The following DLG1 variants were observed in gnomAD, a reference collection of about 807,000 sequenced individuals.
The protein encoded by DLG1 is discs large MAGUK scaffold protein 1.
Under a neutral mutation model 123.4 loss-of-function variants are expected in DLG1, and 42 were observed. The observed-to-expected ratio is 0.34, with a 90% confidence interval of 0.27 to 0.44. The LOEUF is 0.44. Among genes scored for constraint, DLG1 ranks in the 20% least tolerant of loss-of-function variants. The pLI is 1.00. For synonymous variants in DLG1, 317 were observed against 356.2 expected (o/e 0.89, Z 1.24); for missense variants, 942 against 1,082.6 (o/e 0.87, Z 1.82).
upstream of DLG1, chr3:197,298,629 A>G: frequency 2.5e-6 from 1 of 398,300 alleles, no homozygotes. Context: ...CCACCGGGGA[A>G]AAGCCGCCTT....
At chr3:197,081,204 T>G in intron 16 of DLG1, 87 bp from the exon 17 acceptor site, 6 of 1,271,280 alleles carry the variant, frequency 4.7e-6, no homozygotes, top group Non-Finnish European at 6.6e-6. Flanking sequence ...ATCTTTATAA[T>G]GGGCATTTTT....
At chr3:197,171,004 C>T (rs945616961) in intron 5 of DLG1, among the ~76,000 whole-genome samples, 1 of 152,094 alleles carries the variant, frequency 6.6e-6, no homozygotes, top group Non-Finnish European at 1.5e-5. Context: ...TATCAACTGT[C>T]GTGTCACTGT....
intron 4 of DLG1, among the ~76,000 whole-genome samples, chr3:197,207,584 A>G (rs1729231746): frequency 6.6e-6 from 1 of 152,216 alleles, no homozygotes; most frequent in Non-Finnish European, 1.5e-5. Context: ...GTCTATAGAT[A>G]AGGAGTAAGT....
chr3:197,083,786 C>A (rs1454195094), intron 16 of DLG1, among the ~76,000 whole-genome samples: 1 of 150,750 alleles, frequency 6.6e-6, no homozygotes, highest in Non-Finnish European at 1.5e-5. Flanking sequence ...AGCTAGAACC[C>A]ATCTCCACAA....
At chr3:197,237,729 G>C (rs933640676) in intron 4 of DLG1, among the ~76,000 whole-genome samples, 7 of 152,142 alleles carry the variant, frequency 4.6e-5, no homozygotes, top group African/African-American at 1.7e-4. Flanking sequence ...TGTTAGAAGA[G>C]GTATAGTCAG....
intron 6 of DLG1, among the ~76,000 whole-genome samples, chr3:197,146,868 T>C (rs374931591): frequency 6.6e-6 from 1 of 151,716 alleles, no homozygotes; most frequent in South Asian, 2.1e-4. Flanking sequence ...ACCTACAGAG[T>C]GGGAGAAAAT....
At chr3:197,077,693 C>T (rs1345137144) in intron 17 of DLG1, among the ~76,000 whole-genome samples, 1 of 152,098 alleles carries the variant, frequency 6.6e-6, no homozygotes, top group African/African-American at 2.4e-5. Context: ...ACAAGTTTTT[C>T]CTTGAATGTC....
In DLG1 at chr3:197,194,697, ATATT is replaced by A. The variant is rs1721474061; in HGVS notation, c.319-112_319-109del. ...CTCAATATTTAGCAATATAAAAAGT[ATATT>A]TATGGTTTAATACATCAGATCTCAG... On this transcript the variant is annotated intron_variant, in intron 4 of 24. Coordinates refer to ENST00000667157, the MANE Select transcript of DLG1 (RefSeq NM_001366207.1). The A allele has an allele frequency of 5.9e-6, 4 of 679,106 alleles. 1 individual carries two copies. The highest frequency in any genetic ancestry group is 2.4e-5 in the South Asian group (1 of 42,540). The allele number at this position is 679,106 out of a possible 1,614,324, so 42.1% of individuals were successfully genotyped here. A position where few individuals can be genotyped will look rare whatever the true frequency, so the allele number is the denominator to read the frequency against.
intron 5 of DLG1, among the ~76,000 whole-genome samples, chr3:197,190,312 G>A (rs1193418002): frequency 2.0e-5 from 3 of 151,802 alleles, no homozygotes; most frequent in East Asian, 1.9e-4. Context: ...TTGCATTCAC[G>A]GGGGACTAGT....
At chr3:197,291,858 T>C (rs73894328) in intron 3 of DLG1, among the ~76,000 whole-genome samples, 1,617 of 152,260 alleles carry the variant, frequency 0.011, 24 homozygotes, top group African/African-American at 0.037. Context: ...TATTAGCACA[T>C]AGAAAGTGCT....
intron 6 of DLG1, among the ~76,000 whole-genome samples, chr3:197,145,207 T>C (rs76557643): frequency 0.022 from 3,333 of 152,314 alleles, 211 homozygotes; most frequent in Admixed American, 0.12. Flanking sequence ...AAAATTTTTA[T>C]TTGCAGCAAT....
chr3:197,114,694 A>T (rs1008737680), intron 13 of DLG1, among the ~76,000 whole-genome samples: 2 of 152,110 alleles, frequency 1.3e-5, no homozygotes, highest in Non-Finnish European at 2.9e-5. Flanking sequence ...AAAAAAGGGA[A>T]ATTTTCGGCC....
intron 16 of DLG1, among the ~76,000 whole-genome samples, chr3:197,081,610 T>C (rs930431204): frequency 3.9e-5 from 6 of 152,160 alleles, no homozygotes; most frequent in African/African-American, 1.4e-4. Flanking sequence ...AACAAAAAGG[T>C]GGAATATTTA....
At chr3:197,116,594 A>C (rs1463590603) in intron 12 of DLG1, among the ~76,000 whole-genome samples, 2 of 152,168 alleles carry the variant, frequency 1.3e-5, no homozygotes, top group Non-Finnish European at 2.9e-5. Flanking sequence ...ACCTCTGGTA[A>C]ATGAAGGGAA....
chr3:197,136,547 A>G lies in DLG1; in HGVS notation c.1015T>C (p.Leu339=), dbSNP rs760948969. 1.1e-5 allele frequency: 18 copies of G among 1,607,920 alleles called. No individual in the cohort carries two copies. The highest frequency in any genetic ancestry group is 1.5e-5 in the Non-Finnish European group (18 of 1,178,112). ...AATAGATTTCTTATACTTACTGCTA[A>G]AAGTTTATCTCCAATCTGAAGTTTG... The part of the protein sequence containing the change: ...DGKLQIGDKL[L]AVNNVCLEEV... The change falls in exon 10 of 25, where the codon TTA becomes CTA. Residue 339 remains leucine, a synonymous_variant. Transcript: ENST00000667157.
At chr3:197,122,911 T>C (rs998994310) in intron 11 of DLG1, among the ~76,000 whole-genome samples, 1 of 152,040 alleles carries the variant, frequency 6.6e-6, no homozygotes, top group Non-Finnish European at 1.5e-5. Flanking sequence ...GTAACAAAAT[T>C]AAGATTTACT....
chr3:197,182,137 A>G (rs907481114), intron 5 of DLG1, among the ~76,000 whole-genome samples: 15 of 152,104 alleles, frequency 9.9e-5, no homozygotes, highest in African/African-American at 3.6e-4. Context: ...AACCATATAT[A>G]TATATAAAAA....
At chr3:197,089,489 T>C (rs1223046672) in intron 15 of DLG1, among the ~76,000 whole-genome samples, 2 of 149,770 alleles carry the variant, frequency 1.3e-5, no homozygotes, top group African/African-American at 4.9e-5. Context: ...ATCGCGCCAC[T>C]GCACTTCAGC....
At chr3:197,236,896 A>C (rs1481340735) in intron 4 of DLG1, among the ~76,000 whole-genome samples, 1 of 152,238 alleles carries the variant, frequency 6.6e-6, no homozygotes, top group East Asian at 1.9e-4. Flanking sequence ...TGCTGTCCAT[A>C]ATGAATTCTG....
Sources: allele counts gnomAD v4.1 joint callset (sites outside exome capture counted in the v4.1 genomes callset), GRCh38; gene constraint gnomAD v4.1.1; transcripts MANE v1.5; gene names NCBI Gene and HGNC (gene_info 2026-07-23, HGNC 2026-07-21).